The following CSMD1 variants were observed in gnomAD, a reference collection of about 807,000 sequenced individuals.
The protein encoded by CSMD1 is CUB and Sushi multiple domains 1.
In CSMD1, 213 loss-of-function variants were observed where a neutral mutation model predicts 417.5. The observed-to-expected ratio is 0.51, with a 90% CI of 0.46 to 0.57. The LOEUF (loss-of-function observed/expected upper bound fraction) is 0.57, where lower values mean the gene tolerates loss of function less well. Ranked by LOEUF, CSMD1 falls within the 20% of genes least tolerant of loss-of-function variation. The pLI, the probability that CSMD1 is intolerant of heterozygous loss-of-function variation, is 0.00. For synonymous variants in CSMD1, 2,862 were observed against 1,736.8 expected (o/e 1.65, Z -16.11); for missense variants, 6,923 against 4,529.7 (o/e 1.53, Z -15.17).
chr8:4,798,381 T>C (rs1371318613), intron 1 of CSMD1, among the ~76,000 whole-genome samples: 3 of 152,202 alleles, frequency 2.0e-5, no homozygotes, highest in East Asian at 3.9e-4. Flanking sequence ...ATGGTGTATA[T>C]GTGCATTTTT....
At chr8:3,178,323 T>C (rs895657422) in intron 37 of CSMD1, among the ~76,000 whole-genome samples, 1 of 152,038 alleles carries the variant, frequency 6.6e-6, no homozygotes, top group Non-Finnish European at 1.5e-5. Context: ...TAGAAGTAGA[T>C]GTAGATAAGC....
At chr8:4,854,711 T>A (rs943547932) in intron 1 of CSMD1, among the ~76,000 whole-genome samples, 3 of 152,082 alleles carry the variant, frequency 2.0e-5, no homozygotes, top group African/African-American at 7.2e-5. Context: ...CCGACGGGCT[T>A]AAAAAACGGT....
At chr8:4,340,470 G>C (rs551945396) in intron 3 of CSMD1, among the ~76,000 whole-genome samples, 44 of 152,182 alleles carry the variant, frequency 2.9e-4, no homozygotes, top group African/African-American at 5.3e-4. Flanking sequence ...GGTCTGTCTA[G>C]GGGTGATGAA....
At chr8:3,247,135 T>A (rs1366238581) in intron 26 of CSMD1, among the ~76,000 whole-genome samples, 2 of 152,184 alleles carry the variant, frequency 1.3e-5, no homozygotes, top group Non-Finnish European at 2.9e-5. Flanking sequence ...ATGTCTCATT[T>A]GCCCCTAAAT....
At chr8:4,368,261 T>C (rs1802201708) in intron 3 of CSMD1, among the ~76,000 whole-genome samples, 1 of 152,200 alleles carries the variant, frequency 6.6e-6, no homozygotes, top group Admixed American at 6.6e-5. Flanking sequence ...TTGTGGCTTT[T>C]TTGTTCTGTG....
chr8:4,600,623 A>C (rs1370122272), intron 2 of CSMD1, among the ~76,000 whole-genome samples: 1 of 152,202 alleles, frequency 6.6e-6, no homozygotes, highest in African/African-American at 2.4e-5. Context: ...TTATTTGTGA[A>C]ATTAAATATC....
chr8:3,602,352 C>T (rs150550564), intron 8 of CSMD1, among the ~76,000 whole-genome samples: 255 of 152,102 alleles, frequency 1.7e-3, no homozygotes, highest in African/African-American at 5.5e-3. Context: ...AACAAATTTC[C>T]GGTGGAGGCA....
chr8:3,360,295 T>G (rs1253111631), intron 20 of CSMD1, among the ~76,000 whole-genome samples: 1 of 152,218 alleles, frequency 6.6e-6, no homozygotes, highest in African/African-American at 2.4e-5. Flanking sequence ...GAGTAAGTAT[T>G]CAAAATGTCA....
At chr8:3,013,198 T>C (rs1237793618) in intron 52 of CSMD1, among the ~76,000 whole-genome samples, 2 of 152,238 alleles carry the variant, frequency 1.3e-5, no homozygotes, top group African/African-American at 2.4e-5. Flanking sequence ...ATATGATGTC[T>C]GCATCAACCC....
chr8:4,378,192 G>C (rs140147919), intron 3 of CSMD1, among the ~76,000 whole-genome samples: 1 of 152,122 alleles, frequency 6.6e-6, no homozygotes, highest in Non-Finnish European at 1.5e-5. Flanking sequence ...TCTAATCGGC[G>C]TCCAACGAAT....
intron 10 of CSMD1, among the ~76,000 whole-genome samples, chr8:3,500,125 G>T (rs539708523): frequency 3.2e-4 from 48 of 152,146 alleles, no homozygotes; most frequent in African/African-American, 1.1e-3. Flanking sequence ...TCCTACCTGC[G>T]CACTTCACGT....
chr8:4,672,895 A>C lies in CSMD1; in HGVS notation c.86-35337T>G, dbSNP rs551686012. Among the ~76,000 whole-genome samples the C allele has an allele frequency of 5.9e-5, 9 of 152,306 alleles. No individual in the cohort carries two copies. In the South Asian group the frequency reaches 1.4e-3, roughly 25 times the overall value. ...GTAACATGGAGCACACCGAAACATGAGACAACAAACACATTCACAAACATG... is the reference window on the plus strand; with the variant it reads ...GTAACATGGAGCACACCGAAACATGCGACAACAAACACATTCACAAACATG... On this transcript the variant is annotated intron_variant, in intron 1 of 69. Coordinates refer to ENST00000635120, the MANE Select transcript of CSMD1 (RefSeq NM_033225.6).
intron 50 of CSMD1, 122 bp from the exon 51 acceptor site, chr8:3,029,635 T>TGG: frequency 4.2e-5 from 31 of 738,076 alleles, no homozygotes; most frequent in Middle Eastern, 3.5e-4. Context: ...GTTGATGCCA[T>TGG]TACGTATTAT....
intron 3 of CSMD1, among the ~76,000 whole-genome samples, chr8:4,087,661 TTG>T (rs1800490341): frequency 1.3e-5 from 2 of 152,208 alleles, no homozygotes; most frequent in Admixed American, 6.5e-5. Context: ...CTTTCTCATT[TTG>T]TGTTTGCTCA....
At chr8:4,101,412 T>C (rs570999962) in intron 3 of CSMD1, among the ~76,000 whole-genome samples, 2 of 152,058 alleles carry the variant, frequency 1.3e-5, no homozygotes, top group African/African-American at 4.8e-5. Flanking sequence ...GTTGGGCAGG[T>C]GAATATTTTC....
At chr8:3,780,626 T>C (rs184655276) in intron 5 of CSMD1, among the ~76,000 whole-genome samples, 13 of 152,316 alleles carry the variant, frequency 8.5e-5, no homozygotes, top group African/African-American at 2.6e-4. Flanking sequence ...AAACTGGGCC[T>C]GCTCCCAGCT....
chr8:3,171,645 G>C (rs572033928), intron 37 of CSMD1, among the ~76,000 whole-genome samples: 4 of 152,080 alleles, frequency 2.6e-5, no homozygotes, highest in Non-Finnish European at 5.9e-5. Flanking sequence ...CATAAATTTG[G>C]TAGAAAAACA....
At chr8:3,793,560 C>T (rs1158477276) in intron 5 of CSMD1, among the ~76,000 whole-genome samples, 1 of 151,806 alleles carries the variant, frequency 6.6e-6, no homozygotes, top group African/African-American at 2.4e-5. Flanking sequence ...CCCCCTCCTC[C>T]AAAGCCTGCC....
chr8:4,729,824 C>T (rs1490982199), intron 1 of CSMD1, among the ~76,000 whole-genome samples: 2 of 152,174 alleles, frequency 1.3e-5, no homozygotes, highest in African/African-American at 4.8e-5. Context: ...ATTGCAATCA[C>T]AGTAAAAGCA....
Sources: gnomAD v4.1 joint callset for allele counts (sites outside exome capture counted in the v4.1 genomes callset) on GRCh38, gnomAD v4.1.1 for gene constraint, MANE v1.5 for transcripts, NCBI Gene and HGNC (gene_info 2026-07-23, HGNC 2026-07-21) for gene names.